Variants in ANKS1B observed in about 807,000 individuals in gnomAD.
ANKS1B encodes ankyrin repeat and sterile alpha motif domain containing 1B, also known as ankyrin repeat and sterile alpha motif domain-containing protein 1B.
ANKS1B carries 36 observed loss-of-function variants against 148.3 expected under a neutral mutation model. The observed-to-expected ratio is 0.24, with a 90% CI of 0.19 to 0.32. ANKS1B has a LOEUF of 0.32. Ranked by LOEUF, ANKS1B falls within the 10% of genes least tolerant of loss-of-function variation. The probability of loss-of-function intolerance (pLI) is 1.00; values close to 1 mark genes in which losing one functional copy is unlikely to be tolerated. For missense variants in ANKS1B, 1,157 were observed against 1,542.6 expected (o/e 0.75, Z 4.19); for synonymous variants, 542 against 560.8 (o/e 0.97, Z 0.47).
intron 17 of ANKS1B, among the ~76,000 whole-genome samples, chr12:98,905,581 A>G (rs1484013818): frequency 1.3e-5 from 2 of 152,026 alleles, no homozygotes; most frequent in Non-Finnish European, 2.9e-5. Flanking sequence ...ACCATCCTGG[A>G]CAACATAGCG....
At chr12:99,555,035 C>T (rs1166048456) in intron 9 of ANKS1B, among the ~76,000 whole-genome samples, 1 of 152,106 alleles carries the variant, frequency 6.6e-6, no homozygotes, top group Non-Finnish European at 1.5e-5. Context: ...GATCTCACCA[C>T]ATTTTCTTTA....
intron 1 of ANKS1B, among the ~76,000 whole-genome samples, chr12:99,908,319 C>G (rs941729726): frequency 6.6e-6 from 1 of 152,096 alleles, no homozygotes; most frequent in South Asian, 2.1e-4. Context: ...GTGGCTCATA[C>G]CTGTAATCCC....
intron 16 of ANKS1B, among the ~76,000 whole-genome samples, chr12:99,068,110 A>AAT (rs948613164): frequency 7.9e-5 from 12 of 152,034 alleles, no homozygotes; most frequent in Admixed American, 2.6e-4. Flanking sequence ...TATCTAGGAC[A>AAT]ATATATATAT....
chr12:98,770,531 C>T (rs1283748345), intron 25 of ANKS1B, among the ~76,000 whole-genome samples: 2 of 152,162 alleles, frequency 1.3e-5, no homozygotes, highest in Admixed American at 6.5e-5. Context: ...AGAGCAGTCT[C>T]GCAGGGCTTT....
chr12:99,622,446 AC>A (rs2153377089), intron 9 of ANKS1B, among the ~76,000 whole-genome samples: 1 of 152,076 alleles, frequency 6.6e-6, no homozygotes, highest in Admixed American at 6.5e-5. Flanking sequence ...AATCAATGAA[AC>A]CAAAAATTGT....
At chr12:98,874,153 A>G (rs2099680843) in intron 17 of ANKS1B, among the ~76,000 whole-genome samples, 1 of 152,216 alleles carries the variant, frequency 6.6e-6, no homozygotes, top group African/African-American at 2.4e-5. Flanking sequence ...CCACAAAATG[A>G]GGCAAAAAAA....
rs141195614 is a variant in ANKS1B at position 98,985,459 on chromosome 12, C to T, written c.2778+67698G>A. ...TTTTCTCTTCTTTTCCTTATTCCTG[C>T]GTTTTTTGATAAGTATTTTTATGAT... is the stretch of plus-strand genomic sequence containing the variant. On this transcript the variant is annotated intron_variant, in intron 17 of 26. Coordinates refer to ENST00000683438, the MANE Select transcript of ANKS1B (RefSeq NM_001352186.2). 1.6e-3 allele frequency among the ~76,000 whole-genome samples: 250 copies of T among 151,724 alleles called. 1 individual carries two copies. Among genetic ancestry groups the T allele is most frequent in the African/African-American group, 5.6e-3 (230 of 41,334 alleles).
intron 15 of ANKS1B, among the ~76,000 whole-genome samples, chr12:99,087,470 G>T (rs1288587028): frequency 6.6e-6 from 1 of 152,142 alleles, no homozygotes; most frequent in African/African-American, 2.4e-5. Context: ...AATAAAGCCA[G>T]TCTTGGCAAC....
At chr12:99,930,053 A>C (rs1392949131) in intron 1 of ANKS1B, among the ~76,000 whole-genome samples, 1 of 151,990 alleles carries the variant, frequency 6.6e-6, no homozygotes, top group Non-Finnish European at 1.5e-5. Context: ...TGGTAGCTTG[A>C]TGGGGATGGC....
At chr12:99,438,377 G>C (rs1390736922) in intron 11 of ANKS1B, among the ~76,000 whole-genome samples, 1 of 151,752 alleles carries the variant, frequency 6.6e-6, no homozygotes, top group East Asian at 1.9e-4. Flanking sequence ...TTTACCTTAA[G>C]CCCTCAACTC....
At chr12:99,030,761 T>C (rs1045243736) in intron 17 of ANKS1B, among the ~76,000 whole-genome samples, 2 of 152,208 alleles carry the variant, frequency 1.3e-5, no homozygotes, top group African/African-American at 4.8e-5. Context: ...TCATCTAGCA[T>C]AGTGCTTGGC....
At chr12:99,966,619 A>G (rs931720502) in intron 1 of ANKS1B, among the ~76,000 whole-genome samples, 1 of 152,204 alleles carries the variant, frequency 6.6e-6, no homozygotes, top group Non-Finnish European at 1.5e-5. Flanking sequence ...TCTCATGTAA[A>G]TGATTTTTGT....
intron 17 of ANKS1B, among the ~76,000 whole-genome samples, chr12:98,988,390 A>T (rs1386598133): frequency 1.3e-5 from 2 of 152,024 alleles, no homozygotes; most frequent in African/African-American, 4.8e-5. Flanking sequence ...TTCACTTAAC[A>T]TAATGTCCTT....
At chr12:99,371,586 A>T (rs538441576) in intron 12 of ANKS1B, among the ~76,000 whole-genome samples, 1 of 152,078 alleles carries the variant, frequency 6.6e-6, no homozygotes, top group South Asian at 2.1e-4. Context: ...ACACATATAC[A>T]TACTGAGAGA....
At chr12:99,531,035 C>G (rs1019088675) in intron 9 of ANKS1B, among the ~76,000 whole-genome samples, 3 of 152,166 alleles carry the variant, frequency 2.0e-5, no homozygotes, top group Non-Finnish European at 4.4e-5. Flanking sequence ...CTCTGAGTAG[C>G]AGGGCCCTCC....
intron 10 of ANKS1B, among the ~76,000 whole-genome samples, chr12:99,498,634 T>C (rs1431693686): frequency 6.6e-6 from 1 of 152,194 alleles, no homozygotes; most frequent in Non-Finnish European, 1.5e-5. Flanking sequence ...GGTCAACACT[T>C]ATACCTTTTG....
At chr12:99,100,999 C>T (rs919265111) in intron 15 of ANKS1B, among the ~76,000 whole-genome samples, 2 of 152,116 alleles carry the variant, frequency 1.3e-5, no homozygotes, top group African/African-American at 4.8e-5. Flanking sequence ...ATGCTTGAAG[C>T]AAGAGAGAGA....
At chr12:99,421,007 T>C (rs1225622731) in intron 11 of ANKS1B, among the ~76,000 whole-genome samples, 2 of 152,242 alleles carry the variant, frequency 1.3e-5, no homozygotes, top group Non-Finnish European at 2.9e-5. Flanking sequence ...ATTTACAGTT[T>C]AGTATTTGCA....
intron 10 of ANKS1B, among the ~76,000 whole-genome samples, chr12:99,491,262 G>T (rs2096552700): frequency 6.6e-6 from 1 of 151,678 alleles, no homozygotes; most frequent in East Asian, 1.9e-4. Flanking sequence ...CTGACATAAC[G>T]CCACTGCACT....
Sources: gnomAD v4.1 joint callset for allele counts (sites outside exome capture counted in the v4.1 genomes callset) on GRCh38, gnomAD v4.1.1 for gene constraint, MANE v1.5 for transcripts, NCBI Gene and HGNC (gene_info 2026-07-23, HGNC 2026-07-21) for gene names.